PRLR: variants seen among roughly 807,000 people sequenced by gnomAD.
PRLR encodes the protein prolactin receptor.
PRLR carries 13 observed loss-of-function variants against 40.2 expected under a neutral mutation model. That is an observed-to-expected ratio of 0.32 (90% CI 0.21 to 0.51). The LOEUF is 0.51. PRLR is among the 20% of genes least tolerant of loss of function. The pLI is 0.97. For synonymous variants in PRLR, 269 were observed against 278.7 expected, an observed-to-expected ratio of 0.97 and a Z score of 0.35; for missense variants, 656 against 747.3, an observed-to-expected ratio of 0.88 and a Z score of 1.42.
rs943691882 is a variant in PRLR, at chr5:35,060,268, T to A, written c.*4821A>T. The A allele has an allele frequency of 1.3e-5, 2 of 152,158 alleles. No homozygotes were observed. The highest frequency in any genetic ancestry group is 6.5e-5 in the Admixed American group (1 of 15,272). 9.4% of individuals were successfully genotyped at this position (152,158 alleles called of 1,614,324 possible). On this transcript the variant is annotated 3_prime_UTR_variant, in exon 10 of 10. Transcript: ENST00000618457. ...TGTGGATCCTATGGTTGCTACTAAC[T>A]CTTAGGAAAATAGTAGGCTCTGGAG...
Position 35,177,416 on chromosome 5 carries a change from A to G in PRLR, c.-106+52852T>C, listed in dbSNP as rs1775180438. On this transcript the variant is annotated intron_variant, in intron 1 of 9. Coordinates refer to ENST00000618457, the MANE Select transcript of PRLR (RefSeq NM_000949.7). ...ATCCATTACTACAATCAATTTTAAA[A>G]CATTTTTTTCACCACCTAAGGAAAC... Among the ~76,000 whole-genome samples the G allele has an allele frequency of 2.0e-5, 3 of 152,214 alleles. No homozygotes were observed. The South Asian group carries it at 6.2e-4, about 32-fold the overall frequency.
At chr5:35,055,011 T>C (rs953331454), downstream of PRLR, among the ~76,000 whole-genome samples, 1 of 152,172 alleles carries the variant, frequency 6.6e-6, no homozygotes, top group Non-Finnish European at 1.5e-5. Flanking sequence ...AGGCAAAATA[T>C]GAATATTTAA....
chr5:35,132,600 T>C (rs1773723588), intron 1 of PRLR, among the ~76,000 whole-genome samples: 1 of 152,226 alleles, frequency 6.6e-6, no homozygotes, highest in African/African-American at 2.4e-5. Context: ...ATTAGTCCTA[T>C]TCAAAATAGG....
At chr5:35,068,363 C>T (rs1332295900) in intron 8 of PRLR, 78 bp from the exon 9 acceptor site, 2 of 1,238,532 alleles carry the variant, frequency 1.6e-6, no homozygotes, top group Non-Finnish European at 2.4e-6. Flanking sequence ...ATAATAGCCA[C>T]TATAGGGACT....
intron 1 of PRLR, among the ~76,000 whole-genome samples, chr5:35,171,799 T>C (rs1471438492): frequency 6.6e-6 from 1 of 152,188 alleles, no homozygotes; most frequent in African/African-American, 2.4e-5. Context: ...TCAAAATGTC[T>C]TGCCTAGGGA....
At chr5:35,131,798 C>T (rs1034119306) in intron 1 of PRLR, among the ~76,000 whole-genome samples, 6 of 152,154 alleles carry the variant, frequency 3.9e-5, no homozygotes, top group African/African-American at 1.4e-4. Flanking sequence ...ATCCCTGACC[C>T]CTCCAGTGAG....
intron 1 of PRLR, among the ~76,000 whole-genome samples, chr5:35,149,727 A>G (rs1462503877): frequency 6.6e-6 from 1 of 152,246 alleles, no homozygotes; most frequent in Non-Finnish European, 1.5e-5. Flanking sequence ...TTCAAGTCAG[A>G]ACTTGACCCA....
chr5:35,162,215 T>A (rs1010470514), intron 1 of PRLR, among the ~76,000 whole-genome samples: 1 of 152,202 alleles, frequency 6.6e-6, no homozygotes, highest in Admixed American at 6.5e-5. Context: ...ACAACATAAG[T>A]GTGGCACACA....
chr5:35,149,509 A>G (rs1774281595), intron 1 of PRLR, among the ~76,000 whole-genome samples: 1 of 152,208 alleles, frequency 6.6e-6, no homozygotes. Context: ...ATAGAGTAGC[A>G]GACAACTAAG....
At chr5:35,090,863 T>G (rs1579624219) in intron 2 of PRLR, among the ~76,000 whole-genome samples, 1 of 134,834 alleles carries the variant, frequency 7.4e-6, no homozygotes, top group South Asian at 2.5e-4. Context: ...CAGGCTGGAG[T>G]GCAGTGGCGC....
intron 1 of PRLR, among the ~76,000 whole-genome samples, chr5:35,177,894 T>C (rs1168001393): frequency 6.6e-6 from 1 of 152,198 alleles, no homozygotes; most frequent in African/African-American, 2.4e-5. Context: ...GAATGTTTTC[T>C]GAAATGACTA....
chr5:35,062,161 C>A lies in PRLR; in HGVS notation c.*2928G>T, dbSNP rs1363171814. 6.6e-6 allele frequency: 1 copy of A among 152,092 alleles called. No individual in the cohort carries two copies. Among genetic ancestry groups the A allele is most frequent in the East Asian group, 1.9e-4 (1 of 5,182 alleles). 9.4% of individuals were successfully genotyped at this position (152,092 alleles called of 1,614,324 possible). On this transcript the variant is annotated 3_prime_UTR_variant, in exon 10 of 10. Coordinates refer to ENST00000618457, the MANE Select transcript of PRLR (RefSeq NM_000949.7). ...CATCACTGAAGATTACTTTGTATTTCTATGATGAAGAGCAATTTTTTGTTA... is the reference window on the plus strand; with the variant it reads ...CATCACTGAAGATTACTTTGTATTTATATGATGAAGAGCAATTTTTTGTTA...
chr5:35,180,128 G>A (rs761532566), intron 1 of PRLR, among the ~76,000 whole-genome samples: 18 of 152,138 alleles, frequency 1.2e-4, no homozygotes, highest in South Asian at 4.2e-4. Flanking sequence ...TCACAATAGC[G>A]TTTGCACTCC....
At chr5:35,220,422 G>T (rs547164512) in intron 1 of PRLR, among the ~76,000 whole-genome samples, 1 of 152,172 alleles carries the variant, frequency 6.6e-6, no homozygotes, top group African/African-American at 2.4e-5. Flanking sequence ...TAGTACTGAT[G>T]TGCTAGCTTG....
At chr5:35,185,341 G>A (rs752379087) in intron 1 of PRLR, among the ~76,000 whole-genome samples, 1 of 152,116 alleles carries the variant, frequency 6.6e-6, no homozygotes, top group Non-Finnish European at 1.5e-5. Flanking sequence ...AGTCTGGCCA[G>A]ATGACCCCAG....
intron 1 of PRLR, among the ~76,000 whole-genome samples, chr5:35,134,535 A>G (rs906174693): frequency 6.6e-6 from 1 of 152,224 alleles, no homozygotes; most frequent in African/African-American, 2.4e-5. Context: ...GTGGATAAAA[A>G]CATTGCTTGA....
chr5:35,099,260 G>A (rs969058210), intron 2 of PRLR, among the ~76,000 whole-genome samples: 5 of 152,158 alleles, frequency 3.3e-5, no homozygotes, highest in African/African-American at 1.2e-4. Flanking sequence ...TTTGCCCACT[G>A]TAGACTGCAT....
Position 35,058,614 on chromosome 5 carries a change from A to AT in PRLR, c.*6474dup, listed in dbSNP as rs1469995147. ...CGCTTTCAACAGAAATACATTACAT[A>AT]TTTTTTCAGTTTTGTTTTACAGTCA... On this transcript the variant is annotated 3_prime_UTR_variant, in exon 10 of 10. Transcript: ENST00000618457. 6.6e-6 allele frequency: 1 copy of AT among 152,168 alleles called. No individual in the cohort carries two copies. Among genetic ancestry groups the AT allele is most frequent in the African/African-American group, 2.4e-5 (1 of 41,440 alleles). The allele number at this position is 152,168 out of a possible 1,614,324, so 9.4% of individuals were successfully genotyped here.
chr5:35,050,575 T>TC (rs1768461645), intron 8 of PRLR, among the ~76,000 whole-genome samples: 6 of 152,154 alleles, frequency 3.9e-5, no homozygotes, highest in Admixed American at 3.9e-4. Context: ...AATTTCTCCT[T>TC]GAAAAAAATA....
Sources: allele counts gnomAD v4.1 joint callset (sites outside exome capture counted in the v4.1 genomes callset), GRCh38; gene constraint gnomAD v4.1.1; transcripts MANE v1.5; gene names NCBI Gene and HGNC (gene_info 2026-07-23, HGNC 2026-07-21).